PACSIN2: variants seen among roughly 807,000 people sequenced by gnomAD.
PACSIN2 encodes the protein protein kinase C and casein kinase substrate in neurons protein 2.
PACSIN2 carries 25 observed loss-of-function variants against 63.8 expected under a neutral mutation model. The ratio of observed to expected loss-of-function variants is 0.39; its 90% CI spans 0.29 to 0.55. The LOEUF is 0.55. Ranked by LOEUF, PACSIN2 falls within the 20% of genes least tolerant of loss-of-function variation. The pLI is 0.62. For missense variants in PACSIN2, 518 were observed against 646.9 expected, an observed-to-expected ratio of 0.80 and a Z score of 2.16; for synonymous variants, 255 against 256.2, an observed-to-expected ratio of 1.00 and a Z score of 0.05.
rs1418115709 is a variant in PACSIN2 at position 42,912,075 on chromosome 22, A to G, written c.6T>C (p.Ser2=). The G allele has an allele frequency of 6.3e-7, 1 of 1,597,670 alleles. No individual in the cohort carries two copies. Among genetic ancestry groups the G allele is most frequent in the East Asian group, 2.3e-5 (1 of 43,670 alleles). ...CTCCAACGGAATCATCATATGTGACAGACATTTTTTCAAAGGCTGAGGGAG... is the reference window on the plus strand; with the variant it reads ...CTCCAACGGAATCATCATATGTGACGGACATTTTTTCAAAGGCTGAGGGAG... M[S]VTYDDSVGVE... Residue 2 remains serine, a synonymous_variant, in exon 2 of 11, where the codon TCT becomes TCC. Transcript: ENST00000263246.
At chr22:42,992,493 A>T (rs949136065) in intron 1 of PACSIN2, among the ~76,000 whole-genome samples, 2 of 152,204 alleles carry the variant, frequency 1.3e-5, no homozygotes, top group African/African-American at 4.8e-5. Flanking sequence ...CACACCTGTA[A>T]TCCCAACACT....
At chr22:42,986,598 G>C (rs1255258622) in intron 1 of PACSIN2, among the ~76,000 whole-genome samples, 3 of 152,040 alleles carry the variant, frequency 2.0e-5, no homozygotes, top group African/African-American at 7.2e-5. Context: ...TCTAATGGGG[G>C]GTGAAGATAC....
At chr22:42,999,583 G>A (rs1923632356) in intron 1 of PACSIN2, among the ~76,000 whole-genome samples, 1 of 152,128 alleles carries the variant, frequency 6.6e-6, no homozygotes, top group Admixed American at 6.5e-5. Flanking sequence ...GAAGAGAATC[G>A]CTTGAACCCG....
intron 1 of PACSIN2, among the ~76,000 whole-genome samples, chr22:42,980,935 T>C (rs1232825052): frequency 2.4e-4 from 19 of 77,922 alleles, no homozygotes; most frequent in Admixed American, 2.5e-4. Context: ...GCGTCTCTGC[T>C]TGGCCACCCA....
chr22:42,914,308 C>G (rs575764942), intron 1 of PACSIN2, among the ~76,000 whole-genome samples: 1 of 152,354 alleles, frequency 6.6e-6, no homozygotes, highest in Admixed American at 6.5e-5. Flanking sequence ...TCTCAGCTCA[C>G]TAAAACCTCT....
At chr22:42,945,282 C>G (rs1352699822) in intron 1 of PACSIN2, among the ~76,000 whole-genome samples, 2 of 152,044 alleles carry the variant, frequency 1.3e-5, no homozygotes, top group Non-Finnish European at 2.9e-5. Context: ...TGACACTCAC[C>G]AGCTCATTTC....
intron 1 of PACSIN2, among the ~76,000 whole-genome samples, chr22:42,941,614 T>C (rs1028832214): frequency 3.4e-4 from 52 of 152,230 alleles, no homozygotes; most frequent in African/African-American, 1.2e-3. Flanking sequence ...CTCATTGTGA[T>C]TTTGATTCGT....
intron 1 of PACSIN2, among the ~76,000 whole-genome samples, chr22:42,944,592 C>T (rs183774258): frequency 3.9e-5 from 6 of 152,244 alleles, no homozygotes; most frequent in Admixed American, 2.0e-4. Context: ...GAAAAAATAG[C>T]TTGGACAAAA....
At position 42,870,685 on chromosome 22, in the gene PACSIN2, A is replaced by T. The variant is rs936595742; in HGVS notation, c.*672T>A. Reference sequence around the variant, plus strand: ...ACCTAAGGTTCTATGTAAAGCTTCCATTCAGATGCCCAAAAGCACAAAGAG... The same window carrying T: ...ACCTAAGGTTCTATGTAAAGCTTCCTTTCAGATGCCCAAAAGCACAAAGAG... On this transcript the variant is annotated 3_prime_UTR_variant, in exon 11 of 11. Transcript: ENST00000263246. The T allele has an allele frequency of 6.6e-6, 1 of 152,224 alleles. No individual in the cohort carries two copies. Among genetic ancestry groups the T allele is most frequent in the South Asian group, 2.1e-4 (1 of 4,836 alleles). 9.4% of individuals were successfully genotyped at this position (152,224 alleles called of 1,614,324 possible).
intron 1 of PACSIN2, among the ~76,000 whole-genome samples, chr22:42,960,117 C>A (rs973046755): frequency 6.6e-5 from 10 of 152,120 alleles, no homozygotes; most frequent in African/African-American, 2.2e-4. Context: ...CATACTACCC[C>A]CTCCCCAACA....
intron 1 of PACSIN2, among the ~76,000 whole-genome samples, chr22:42,991,813 A>C (rs1397746725): frequency 4.2e-5 from 1 of 23,830 alleles, no homozygotes; most frequent in Admixed American, 5.2e-4. Context: ...ATCCACAGAC[A>C]AAAAAAAAAA....
intron 2 of PACSIN2, among the ~76,000 whole-genome samples, 198 bp downstream of exon 2, chr22:42,911,823 G>A (rs1342647570): frequency 6.6e-6 from 1 of 152,204 alleles, no homozygotes; most frequent in Non-Finnish European, 1.5e-5. Context: ...TGCCTTCGAT[G>A]ATGGCTAAGG....
At chr22:43,011,326 T>A (rs1345785577) in intron 1 of PACSIN2, among the ~76,000 whole-genome samples, 1 of 152,184 alleles carries the variant, frequency 6.6e-6, no homozygotes, top group African/African-American at 2.4e-5. Context: ...AATGTGGTCA[T>A]TAATCGCATA....
At chr22:42,909,700 C>T (rs577454584) in intron 2 of PACSIN2, 2 of 411,200 alleles carry the variant, frequency 4.9e-6, no homozygotes, top group Non-Finnish European at 1.0e-5. Flanking sequence ...AGCTTAATTA[C>T]TGGACTTGTT....
intron 1 of PACSIN2, among the ~76,000 whole-genome samples, chr22:42,981,929 T>C (rs1922189250): frequency 1.3e-5 from 1 of 74,818 alleles, no homozygotes; most frequent in Non-Finnish European, 2.8e-5. Context: ...GGGGCGCCTC[T>C]GCCCGGCCGC....
chr22:43,009,697 T>A (rs147135278), intron 1 of PACSIN2, among the ~76,000 whole-genome samples: 118 of 152,310 alleles, frequency 7.7e-4, no homozygotes, highest in African/African-American at 2.7e-3. Flanking sequence ...TCATCTCATA[T>A]TCTTGGGAGG....
At chr22:42,944,150 G>C (rs1467737749) in intron 1 of PACSIN2, among the ~76,000 whole-genome samples, 2 of 152,158 alleles carry the variant, frequency 1.3e-5, no homozygotes, top group Non-Finnish European at 2.9e-5. Context: ...AGCAGGCCTC[G>C]AGTGGCAGCT....
intron 1 of PACSIN2, among the ~76,000 whole-genome samples, chr22:42,998,036 G>A (rs1167286527): frequency 6.6e-6 from 1 of 152,186 alleles, no homozygotes; most frequent in Non-Finnish European, 1.5e-5. Flanking sequence ...GGTTTCTCAG[G>A]AGCCAGCCCC....
chr22:42,906,507 G>C (rs1454651376), intron 2 of PACSIN2, among the ~76,000 whole-genome samples: 1 of 152,224 alleles, frequency 6.6e-6, no homozygotes, highest in African/African-American at 2.4e-5. Context: ...CACACGTCGA[G>C]GGCCCTGATC....
Sources: allele counts gnomAD v4.1 joint callset (sites outside exome capture counted in the v4.1 genomes callset), GRCh38; gene constraint gnomAD v4.1.1; transcripts MANE v1.5; gene names NCBI Gene and HGNC (gene_info 2026-07-23, HGNC 2026-07-21).